ACACA: variants seen among roughly 807,000 people sequenced by gnomAD.
ACACA encodes the protein acetyl-CoA carboxylase 1.
Under a neutral mutation model 296.1 loss-of-function variants are expected in ACACA, and 103 were observed. The observed-to-expected ratio is 0.35, with a 90% CI of 0.30 to 0.41. The LOEUF (loss-of-function observed/expected upper bound fraction) is 0.41, where lower values mean the gene tolerates loss of function less well. ACACA is among the 10% of genes least tolerant of loss of function. ACACA has a pLI of 1.00. For missense variants in ACACA, 1,554 were observed against 2,989.7 expected (o/e 0.52, Z 11.20); for synonymous variants, 953 against 1,038.6 (o/e 0.92, Z 1.58).
intron 41 of ACACA, among the ~76,000 whole-genome samples, chr17:37,169,930 T>C (rs2076822797): frequency 6.6e-6 from 1 of 152,162 alleles, no homozygotes; most frequent in African/African-American, 2.4e-5. Flanking sequence ...GGGTTTATGG[T>C]CTAATGAGTT....
chr17:37,375,895 C>A, intron 1 of ACACA: 1 of 483,852 alleles, frequency 2.1e-6, no homozygotes, highest in Non-Finnish European at 3.7e-6. Context: ...TATTAATAAG[C>A]AGAATTAGCC....
chr17:37,246,350 CTTAAGGTTCGCACTTCTAA>C (rs998052770), intron 19 of ACACA, among the ~76,000 whole-genome samples: 4 of 152,150 alleles, frequency 2.6e-5, no homozygotes, highest in African/African-American at 7.2e-5. Context: ...TTTTAAAAAT[CTTAAGGTTCGCACTTCTAA>C]TTAAGCCAAC....
intron 1 of ACACA, among the ~76,000 whole-genome samples, chr17:37,370,000 C>T (rs184881502): frequency 0.015 from 2,049 of 132,752 alleles, 42 homozygotes; most frequent in African/African-American, 0.059. Flanking sequence ...GCCACTGCGC[C>T]TGGCCCCTCC....
chr17:37,276,033 G>T lies in ACACA; in HGVS notation c.819C>A (p.Ala273=), dbSNP rs1331786183. The T allele has an allele frequency of 5.0e-6, 8 of 1,614,020 alleles. No individual in the cohort carries two copies. In the African/African-American group the frequency reaches 1.1e-4, roughly 22 times the overall value. The change falls in exon 8 of 56, where the codon GCC becomes GCA. Residue 273 remains alanine (A), a synonymous_variant. Transcript: ENST00000616317. ...GIAFMGPPSQ[A]MWALGDKIAS... ...CAATCTTATCCCCTAAAGCCCACATGGCCTGGCTTGGAGGACCTAAAAACG... is the reference window on the plus strand; with the variant it reads ...CAATCTTATCCCCTAAAGCCCACATTGCCTGGCTTGGAGGACCTAAAAACG...
intron 45 of ACACA, among the ~76,000 whole-genome samples, chr17:37,135,608 G>T (rs2075298259): frequency 6.6e-6 from 1 of 152,158 alleles, no homozygotes. Flanking sequence ...GCTGAATATA[G>T]GCCAGAAATA....
chr17:37,346,681 G>A lies in ACACA; in HGVS notation c.39-6831C>T, dbSNP rs185913840. 1.6e-3 allele frequency among the ~76,000 whole-genome samples: 205 copies of A among 131,304 alleles called. 1 individual carries two copies. Among genetic ancestry groups the A allele is most frequent in the African/African-American group, 5.5e-3 (187 of 34,164 alleles). 86.1% of individuals were successfully genotyped at this position (131,304 alleles called of 152,430 possible). ...CACACCACTGCACTCCAGCCTAGGC[G>A]ACAGAGCAAGACTCCATCTCAAAAA... On this transcript the variant is annotated intron_variant, in intron 1 of 55. Transcript: ENST00000616317.
At chr17:37,159,289 G>A (rs1229960915) in intron 42 of ACACA, among the ~76,000 whole-genome samples, 1 of 151,950 alleles carries the variant, frequency 6.6e-6, no homozygotes, top group East Asian at 1.9e-4. Flanking sequence ...GCACGATCCT[G>A]GCTCACTGCA....
chr17:37,246,895 C>T lies in ACACA; in HGVS notation c.2391G>A (p.Gly797=). The change falls in exon 19 of 56, where the codon GGG becomes GGA. Residue 797 remains glycine, a synonymous_variant. Transcript: ENST00000616317. ...CTTCTACAATGTACTGGATTAACTT[C>T]CCAGCAGAAGGTGAGCGCATCACCG... ...DPSVMRSPSA[G]KLIQYIVEDG... is the part of the protein sequence containing the mutation. 1.2e-6 allele frequency: 2 copies of T among 1,614,136 alleles called. No homozygotes were observed. The highest frequency in any genetic ancestry group is 1.7e-6 in the Non-Finnish European group (2 of 1,180,016).
intron 1 of ACACA, among the ~76,000 whole-genome samples, chr17:37,364,483 A>T (rs1431877330): frequency 4.6e-5 from 7 of 151,516 alleles, no homozygotes; most frequent in African/African-American, 1.7e-4. Flanking sequence ...AATCCCAGCT[A>T]CTTACGAGGC....
chr17:37,298,954 A>G (rs1224946180), intron 3 of ACACA, among the ~76,000 whole-genome samples: 2 of 152,198 alleles, frequency 1.3e-5, no homozygotes, highest in Non-Finnish European at 2.9e-5. Flanking sequence ...AATACTAGCC[A>G]AATCCAGGGA....
intron 16 of ACACA, among the ~76,000 whole-genome samples, chr17:37,249,953 A>G (rs572042715): frequency 1.3e-5 from 2 of 152,212 alleles, no homozygotes; most frequent in African/African-American, 4.8e-5. Flanking sequence ...TGATCATTTT[A>G]TAAGGGGAAA....
rs753481550 is a variant in ACACA, at chr17:37,113,083, G to GCTAC, written c.6452+1_6452+4dup. The GCTAC allele has an allele frequency of 6.2e-7, 1 of 1,614,100 alleles. No individual in the cohort carries two copies. Among genetic ancestry groups the GCTAC allele is most frequent in the Non-Finnish European group, 8.5e-7 (1 of 1,180,018 alleles). On this transcript the variant is annotated splice_donor_region_variant and intron_variant, in intron 51 of 55. Coordinates refer to ENST00000616317, the MANE Select transcript of ACACA (RefSeq NM_198834.3). The surrounding 1 kb of genome is among the most constrained non-coding windows in gnomAD (Gnocchi z 4.0). ...CAGTGAATGGAAATGTGGAAGGCAC[G>GCTAC]CTACCTGCTTTCTCGGTCAGCATAC...
rs142951789 is a variant in ACACA at position 37,243,392 on chromosome 17, G to A, written c.2910C>T (p.Leu970=). The change falls in exon 22 of 56, where the codon CTC becomes CTT. Residue 970 remains leucine (L), a synonymous_variant. Coordinates refer to ENST00000616317, the MANE Select transcript of ACACA (RefSeq NM_198834.3). The stretch of plus-strand genomic sequence containing the variant: ...ATACCTGCTGGCTGGGAAACTGACA[G>A]AGGACTGATGTGATGTTGCTAGCAT... ...AQYASNITSV[L]CQFPSQQIAN... 180 of 1,614,062 alleles carry A rather than the reference G, an allele frequency of 1.1e-4. No homozygotes were observed. The highest frequency in any genetic ancestry group is 3.5e-4 in the Admixed American group (21 of 60,000).
chr17:37,185,655 G>A (rs1324635810), intron 39 of ACACA, among the ~76,000 whole-genome samples: 6 of 151,606 alleles, frequency 4.0e-5, no homozygotes, highest in African/African-American at 4.9e-5. Flanking sequence ...TACAACCTCC[G>A]CCTCCCGGGT....
At chr17:37,111,713 G>T in intron 51 of ACACA, 70 bp from the exon 52 acceptor site, 1 of 1,167,822 alleles carries the variant, frequency 8.6e-7, no homozygotes, top group Non-Finnish European at 1.3e-6. Context: ...AACAGAATGA[G>T]GCCAGTTACA....
In ACACA at chr17:37,260,282, ATATATATATATATATTTTTTTTT is replaced by A. The variant is rs1192165994; in HGVS notation, c.1330-775_1330-753del. Among the ~76,000 whole-genome samples, 239 of 35,604 alleles carry A rather than the reference ATATATATATATATATTTTTTTTT, an allele frequency of 6.7e-3. 18 individuals carry two copies. Among genetic ancestry groups the A allele is most frequent in the African/African-American group, 0.028 (187 of 6,716 alleles). The allele number at this position is 35,604 out of a possible 152,430, so 23.4% of individuals were successfully genotyped here. A position where few individuals can be genotyped will look rare whatever the true frequency, so the allele number is the denominator to read the frequency against. On this transcript the variant is annotated intron_variant, in intron 11 of 55. Transcript: ENST00000616317. ...TATATATATATATATATATATATAT[ATATATATATATATATTTTTTTTT>A]TTTTTTTTTTTGGAGATGGAGTCTC...
At chr17:37,269,674 T>C (rs1415501003) in intron 10 of ACACA, among the ~76,000 whole-genome samples, 1 of 151,150 alleles carries the variant, frequency 6.6e-6, no homozygotes, top group Admixed American at 6.6e-5. Context: ...GGACCACCTG[T>C]ATATGAAATC....
chr17:37,300,378 T>C (rs779180232), intron 3 of ACACA, among the ~76,000 whole-genome samples: 18 of 152,138 alleles, frequency 1.2e-4, no homozygotes, highest in Non-Finnish European at 2.5e-4. Context: ...TTCTGTGTAT[T>C]AGGAGAAAAA....
chr17:37,207,514 AC>A lies in ACACA; in HGVS notation c.3851+142del, dbSNP rs1446150524. 7 of 949,702 alleles carry A rather than the reference AC, an allele frequency of 7.4e-6. No individual in the cohort carries two copies. In the Admixed American group the frequency reaches 8.1e-5, roughly 11 times the overall value. The allele number at this position is 949,702 out of a possible 1,614,324, so 58.8% of individuals were successfully genotyped here. On this transcript the variant is annotated intron_variant, in intron 31 of 55. Transcript: ENST00000616317. ...AAATGCAAGGATATATACCTCTCCA[AC>A]GGCATATACAGCAAGGGTTACATCT...
Sources: gnomAD v4.1 joint callset for allele counts (sites outside exome capture counted in the v4.1 genomes callset) on GRCh38, gnomAD v4.1.1 for gene constraint, Gnocchi (gnomAD v3.1) non-coding constraint, MANE v1.5 for transcripts, NCBI Gene and HGNC (gene_info 2026-07-23, HGNC 2026-07-21) for gene names.